The following CDK5RAP2 variants were observed in gnomAD, a reference collection of about 807,000 sequenced individuals.
CDK5RAP2 encodes the protein CDK5 regulatory subunit-associated protein 2.
A neutral mutation model predicts 232.9 loss-of-function variants in CDK5RAP2; 147 were observed. The observed-to-expected ratio is 0.63, with a 90% confidence interval of 0.55 to 0.72. CDK5RAP2 has a LOEUF of 0.72. Ranked by LOEUF, CDK5RAP2 falls within the 30% of genes least tolerant of loss-of-function variation. The pLI, the probability that CDK5RAP2 is intolerant of heterozygous loss-of-function variation, is 0.00. For missense variants in CDK5RAP2, 2,195 were observed against 2,231.5 expected, an observed-to-expected ratio of 0.98 and a Z score of 0.33; for synonymous variants, 833 against 833.7, an observed-to-expected ratio of 1.00 and a Z score of 0.01.
chr9:120,442,902 T>C (rs996018695), intron 23 of CDK5RAP2, among the ~76,000 whole-genome samples: 5 of 152,192 alleles, frequency 3.3e-5, no homozygotes, highest in Non-Finnish European at 5.9e-5. Context: ...TTTAGGATTC[T>C]TGAGGACAAT....
intron 21 of CDK5RAP2, among the ~76,000 whole-genome samples, chr9:120,449,743 T>C (rs1314959265): frequency 6.6e-6 from 1 of 152,238 alleles, no homozygotes; most frequent in Non-Finnish European, 1.5e-5. Flanking sequence ...GAGATATGTG[T>C]ATGGCCAATA....
chr9:120,452,854 G>A (rs1370897397), intron 21 of CDK5RAP2, among the ~76,000 whole-genome samples: 1 of 152,058 alleles, frequency 6.6e-6, no homozygotes, highest in Non-Finnish European at 1.5e-5. Context: ...TTAACAACGG[G>A]AACATGGGGT....
intron 14 of CDK5RAP2, among the ~76,000 whole-genome samples, chr9:120,480,350 T>C (rs892270767): frequency 2.6e-5 from 4 of 152,204 alleles, no homozygotes; most frequent in Admixed American, 2.6e-4. Context: ...AAATTTAGCA[T>C]TACCTTCAAT....
At chr9:120,413,716 T>G (rs2033998923) in intron 28 of CDK5RAP2, among the ~76,000 whole-genome samples, 1 of 152,158 alleles carries the variant, frequency 6.6e-6, no homozygotes, top group South Asian at 2.1e-4. Flanking sequence ...CAGGCGTGTA[T>G]TTCTTTCCTG....
intron 19 of CDK5RAP2, among the ~76,000 whole-genome samples, chr9:120,458,830 G>C (rs558617493): frequency 1.3e-5 from 2 of 152,280 alleles, no homozygotes; most frequent in South Asian, 4.1e-4. Flanking sequence ...CTTTAACACA[G>C]GGAGATGTTC....
At chr9:120,559,816 A>T (rs1219405126) in intron 3 of CDK5RAP2, among the ~76,000 whole-genome samples, 1 of 152,190 alleles carries the variant, frequency 6.6e-6, no homozygotes, top group Non-Finnish European at 1.5e-5. Flanking sequence ...CTGAAACTGG[A>T]AAAGGGCCCC....
intron 5 of CDK5RAP2, among the ~76,000 whole-genome samples, chr9:120,542,707 C>T (rs865803139): frequency 6.6e-6 from 1 of 152,194 alleles, no homozygotes; most frequent in African/African-American, 2.4e-5. Flanking sequence ...TGGCCCTTCC[C>T]TTTTCCTGGC....
intron 29 of CDK5RAP2, 122 bp downstream of exon 29, chr9:120,411,236 G>A (rs1186686606): frequency 2.6e-5 from 20 of 757,574 alleles, no homozygotes; most frequent in Non-Finnish European, 4.9e-5. Flanking sequence ...ATTAAATGGT[G>A]TAAAGCCATC....
intron 36 of CDK5RAP2, among the ~76,000 whole-genome samples, chr9:120,391,888 G>A (rs2032017642): frequency 6.6e-6 from 1 of 152,212 alleles, no homozygotes; most frequent in Admixed American, 6.5e-5. Context: ...TCCTTGGGAT[G>A]AGCTGCAGAG....
At chr9:120,531,193 C>T (rs1378817093) in intron 7 of CDK5RAP2, among the ~76,000 whole-genome samples, 1 of 151,980 alleles carries the variant, frequency 6.6e-6, no homozygotes, top group African/African-American at 2.4e-5. Context: ...CTCCCGAAGC[C>T]AGACTGTTTC....
intron 13 of CDK5RAP2, among the ~76,000 whole-genome samples, chr9:120,490,179 G>A (rs569303926): frequency 2.0e-5 from 3 of 152,320 alleles, no homozygotes; most frequent in East Asian, 3.9e-4. Flanking sequence ...GGTTAGAAGT[G>A]CTCAGCAGCT....
At chr9:120,550,545 G>A (rs997075521) in intron 4 of CDK5RAP2, among the ~76,000 whole-genome samples, 3 of 152,202 alleles carry the variant, frequency 2.0e-5, no homozygotes, top group East Asian at 3.9e-4. Flanking sequence ...ACTTAACTGA[G>A]GTAAAAAGTA....
At chr9:120,449,798 G>A (rs2036388197) in intron 21 of CDK5RAP2, among the ~76,000 whole-genome samples, 1 of 152,168 alleles carries the variant, frequency 6.6e-6, no homozygotes, top group African/African-American at 2.4e-5. Context: ...CAAGGAAAAT[G>A]TAAATCAAAT....
At position 120,497,421 on chromosome 9, in the gene CDK5RAP2, TAAAAAAAAAAA is replaced by T. The variant is rs71385064; in HGVS notation, c.1312-5955_1312-5945del. Among the ~76,000 whole-genome samples, 98 of 23,302 alleles carry T rather than the reference TAAAAAAAAAAA, an allele frequency of 4.2e-3. 4 individuals carry two copies. In the South Asian group the frequency reaches 0.056, roughly 13 times the overall value. 15.3% of individuals were successfully genotyped at this position (23,302 alleles called of 152,430 possible). A position where few individuals can be genotyped will look rare whatever the true frequency, so the allele number is the denominator to read the frequency against. On this transcript the variant is annotated intron_variant, in intron 12 of 37. Transcript: ENST00000349780. ...AGAATTATCAATAAAAAAATAAATT[TAAAAAAAAAAA>T]AAAAAAAAAAAAAAAAAAAAAAGAA...
chr9:120,443,750 C>T lies in CDK5RAP2; in HGVS notation c.3026-8G>A, dbSNP rs761837046. 27 of 1,613,610 alleles carry T rather than the reference C, an allele frequency of 1.7e-5. No homozygotes were observed. Among genetic ancestry groups the T allele is most frequent in the Non-Finnish European group, 2.3e-5 (27 of 1,179,904 alleles). ...CTCCCACAGGGGGCTGAGCTACAGG[C>T]AATCACAAAGAGAAAGAAAAATAAA... On this transcript the variant is annotated splice_polypyrimidine_tract_variant and splice_region_variant and intron_variant, in intron 22 of 37. Transcript: ENST00000349780.
At chr9:120,519,933 G>A (rs115088504) in intron 11 of CDK5RAP2, among the ~76,000 whole-genome samples, 1,634 of 151,890 alleles carry the variant, frequency 0.011, 31 homozygotes, top group African/African-American at 0.037. Context: ...AAAAAAAAAG[G>A]TGGTCAGCAT....
chr9:120,577,304 T>G (rs1033739626), intron 1 of CDK5RAP2, among the ~76,000 whole-genome samples: 2 of 148,190 alleles, frequency 1.3e-5, no homozygotes, highest in Non-Finnish European at 1.5e-5. Flanking sequence ...GAGGTTGCAG[T>G]GAGCCAAGAT....
rs758657133 is a variant in CDK5RAP2, at chr9:120,415,415, T to G, written c.4178-256A>C. On this transcript the variant is annotated intron_variant, in intron 27 of 37. Coordinates refer to ENST00000349780, the MANE Select transcript of CDK5RAP2 (RefSeq NM_018249.6). ...ATAGAAAAAATTATATTCCATACAA[T>G]TTTAATGCTAACTCTAATGTAGCCT... Among the ~76,000 whole-genome samples the G allele has an allele frequency of 3.9e-5, 6 of 152,216 alleles. No homozygotes were observed. In the South Asian group the frequency reaches 8.3e-4, roughly 21 times the overall value.
chr9:120,470,283 T>C (rs1431361560), intron 16 of CDK5RAP2, 63 bp from the exon 17 acceptor site: 2 of 788,806 alleles, frequency 2.5e-6, no homozygotes, highest in East Asian at 5.3e-5. Context: ...CAGAAACAGA[T>C]CCTCCCAAGA....
Sources: allele counts gnomAD v4.1 joint callset (sites outside exome capture counted in the v4.1 genomes callset), GRCh38; gene constraint gnomAD v4.1.1; transcripts MANE v1.5; gene names NCBI Gene and HGNC (gene_info 2026-07-23, HGNC 2026-07-21).